The following YPEL1 variants were observed in gnomAD, a reference collection of about 807,000 sequenced individuals.
YPEL1 encodes protein yippee-like 1.
Under a neutral mutation model 17.3 loss-of-function variants are expected in YPEL1, and 7 were observed. The observed-to-expected ratio is 0.40, with a 90% CI of 0.23 to 0.76. YPEL1 has a LOEUF of 0.76. Ranked by LOEUF, YPEL1 falls within the 30% of genes least tolerant of loss-of-function variation. The pLI is 0.35. For synonymous variants in YPEL1, 59 were observed against 59.6 expected, an observed-to-expected ratio of 0.99 and a Z score of 0.05; for missense variants, 91 against 155.5, an observed-to-expected ratio of 0.59 and a Z score of 2.21.
chr22:21,729,147 G>GAA (rs754274655), intron 1 of YPEL1, among the ~76,000 whole-genome samples: 2 of 121,132 alleles, frequency 1.7e-5, no homozygotes, highest in Non-Finnish European at 1.8e-5. Context: ...CCATCCTGAA[G>GAA]AAAAAAAAAA....
chr22:21,716,548 C>T (rs1352068956), intron 1 of YPEL1, among the ~76,000 whole-genome samples: 1 of 152,298 alleles, frequency 6.6e-6, no homozygotes, highest in Non-Finnish European at 1.5e-5. Flanking sequence ...CCTCACAGGA[C>T]TTATGGCCCA....
At chr22:21,723,489 T>G (rs1010375232) in intron 1 of YPEL1, among the ~76,000 whole-genome samples, 2 of 152,128 alleles carry the variant, frequency 1.3e-5, no homozygotes, top group African/African-American at 4.8e-5. Context: ...TGCCTCAGCC[T>G]CCAGAGTAGC....
At chr22:21,724,957 G>A (rs1297913945) in intron 1 of YPEL1, among the ~76,000 whole-genome samples, 3 of 149,640 alleles carry the variant, frequency 2.0e-5, no homozygotes, top group South Asian at 2.1e-4. Context: ...GCCCAGGCTC[G>A]AGTGCAATGG....
rs761017537 is a variant in YPEL1, at chr22:21,700,814, C to T, written c.*315G>A. The T allele has an allele frequency of 6.0e-5, 13 of 217,272 alleles. No individual in the cohort carries two copies. Among genetic ancestry groups the T allele is most frequent in the Non-Finnish European group, 9.1e-5 (10 of 109,632 alleles). 13.5% of individuals were successfully genotyped at this position (217,272 alleles called of 1,614,324 possible). A position where few individuals can be genotyped will look rare whatever the true frequency, so the allele number is the denominator to read the frequency against. ...AACTGAACCTTAAAAAAGCAGAGCC[C>T]AACTATATTGAAGACAAAGGTGAAA... On this transcript the variant is annotated 3_prime_UTR_variant, in exon 5 of 5. Coordinates refer to ENST00000339468, the MANE Select transcript of YPEL1 (RefSeq NM_013313.5).
intron 1 of YPEL1, among the ~76,000 whole-genome samples, chr22:21,724,810 G>T (rs917009657): frequency 6.6e-6 from 1 of 151,860 alleles, no homozygotes; most frequent in South Asian, 2.1e-4. Flanking sequence ...CAAACTCCTG[G>T]CTCGGGCCAT....
At chr22:21,720,818 T>TG (rs886559950) in intron 1 of YPEL1, among the ~76,000 whole-genome samples, 2 of 149,856 alleles carry the variant, frequency 1.3e-5, no homozygotes, top group East Asian at 1.9e-4. Flanking sequence ...ATTTTGTTTT[T>TG]TTTTTTTTTT....
At chr22:21,732,732 A>C (rs1367812382) in intron 1 of YPEL1, among the ~76,000 whole-genome samples, 1 of 151,906 alleles carries the variant, frequency 6.6e-6, no homozygotes, top group African/African-American at 2.4e-5. Context: ...CACTGAGCCG[A>C]GATCACGCCA....
intron 2 of YPEL1, among the ~76,000 whole-genome samples, chr22:21,708,697 G>T (rs1409985203): frequency 2.6e-5 from 3 of 115,234 alleles, no homozygotes; most frequent in Admixed American, 1.0e-4. Flanking sequence ...ACAGAGTTTC[G>T]CTCTTGTTGC....
intron 2 of YPEL1, chr22:21,704,184 C>T (rs1012198433): frequency 2.8e-5 from 20 of 717,994 alleles, no homozygotes; most frequent in East Asian, 8.0e-5. Context: ...TATGTCTGGA[C>T]AACTTTACCT....
At position 21,715,984 on chromosome 22, in the gene YPEL1, A is replaced by G. The variant is rs535857263; in HGVS notation, c.-164-5076T>C. The stretch of plus-strand genomic sequence containing the variant: ...TCCATGTTGGTCAGGCTGGTCTCAA[A>G]CTCCCAACCTGAGTTGATCCACCTG... On this transcript the variant is annotated intron_variant, in intron 1 of 4. Transcript: ENST00000339468. 1.8e-4 allele frequency among the ~76,000 whole-genome samples: 27 copies of G among 151,940 alleles called. 2 individuals are homozygous for G. In the East Asian group the frequency reaches 5.2e-3, roughly 29 times the overall value.
intron 1 of YPEL1, among the ~76,000 whole-genome samples, chr22:21,715,635 G>A (rs776473249): frequency 7.9e-5 from 12 of 151,644 alleles, no homozygotes; most frequent in Non-Finnish European, 1.6e-4. Context: ...AGGCTGGAGT[G>A]CGATGGCACC....
chr22:21,714,443 CT>C (rs1472526185), intron 1 of YPEL1, among the ~76,000 whole-genome samples: 1 of 152,204 alleles, frequency 6.6e-6, no homozygotes, highest in African/African-American at 2.4e-5. Flanking sequence ...ACCGACGATG[CT>C]GTGAGACTTC....
intron 1 of YPEL1, among the ~76,000 whole-genome samples, chr22:21,712,945 G>C (rs1372160264): frequency 6.6e-6 from 1 of 151,878 alleles, no homozygotes; most frequent in East Asian, 1.9e-4. Context: ...ATTAAAAATG[G>C]ACAAAGGACT....
chr22:21,710,835 G>T lies in YPEL1; in HGVS notation c.-91C>A. On this transcript the variant is annotated 5_prime_UTR_variant, in exon 2 of 5. Coordinates refer to ENST00000339468, the MANE Select transcript of YPEL1 (RefSeq NM_013313.5). ...TCTGACAAAAGCAACACTGGAAAAT[G>T]CACGCAAGAGCCGTCGTTGTCCAGG... 1 of 1,133,982 alleles carries T rather than the reference G, an allele frequency of 8.8e-7. No homozygotes were observed. The highest frequency in any genetic ancestry group is 1.3e-6 in the Non-Finnish European group (1 of 745,120). 70.2% of individuals were successfully genotyped at this position (1,133,982 alleles called of 1,614,324 possible). A position where few individuals can be genotyped will look rare whatever the true frequency, so the allele number is the denominator to read the frequency against.
Position 21,710,847 on chromosome 22 carries a change from C to A in YPEL1, c.-103G>T. On this transcript the variant is annotated 5_prime_UTR_variant, in exon 2 of 5. Coordinates refer to ENST00000339468, the MANE Select transcript of YPEL1 (RefSeq NM_013313.5). ...AACACTGGAAAATGCACGCAAGAGC[C>A]GTCGTTGTCCAGGAGGGCGTGTGGC... is the stretch of plus-strand genomic sequence containing the variant. 2 of 1,042,984 alleles carry A rather than the reference C, an allele frequency of 1.9e-6. No individual in the cohort carries two copies. Among genetic ancestry groups the A allele is most frequent in the South Asian group, 2.6e-5 (2 of 77,932 alleles). 64.6% of individuals were successfully genotyped at this position (1,042,984 alleles called of 1,614,324 possible). A position where few individuals can be genotyped will look rare whatever the true frequency, so the allele number is the denominator to read the frequency against.
At chr22:21,709,078 G>A (rs1204335459) in intron 2 of YPEL1, among the ~76,000 whole-genome samples, 6 of 152,236 alleles carry the variant, frequency 3.9e-5, no homozygotes, top group Non-Finnish European at 7.4e-5. Context: ...GCATGCTTCC[G>A]AAACAAAACC....
In YPEL1 at chr22:21,715,756, CTTTTCTTTTTTTTTTTTTTTTTTT is replaced by C. The variant is rs1403292916; in HGVS notation, c.-164-4872_-164-4849del. On this transcript the variant is annotated intron_variant, in intron 1 of 4. Transcript: ENST00000339468. ...GCCACCACACCTAATTTTTCTTTTT[CTTTTCTTTTTTTTTTTTTTTTTTT>C]GAGACAGAGTTTCGCTCTTATTGCC... Among the ~76,000 whole-genome samples, 260 of 56,206 alleles carry C rather than the reference CTTTTCTTTTTTTTTTTTTTTTTTT, an allele frequency of 4.6e-3. 2 individuals carry two copies. The highest frequency in any genetic ancestry group is 6.6e-3 in the Non-Finnish European group (208 of 31,676). The allele number at this position is 56,206 out of a possible 152,430, so 36.9% of individuals were successfully genotyped here. A position where few individuals can be genotyped will look rare whatever the true frequency, so the allele number is the denominator to read the frequency against.
intron 1 of YPEL1, among the ~76,000 whole-genome samples, chr22:21,723,841 A>G (rs2068307127): frequency 6.6e-6 from 1 of 151,004 alleles, no homozygotes; most frequent in Non-Finnish European, 1.5e-5. Context: ...GATTTTTTGT[A>G]TTTTTAGTAG....
chr22:21,735,328 T>C (rs1389519199), intron 1 of YPEL1, among the ~76,000 whole-genome samples: 1 of 152,064 alleles, frequency 6.6e-6, no homozygotes, highest in Non-Finnish European at 1.5e-5. Flanking sequence ...ATTTTCCCTA[T>C]CTTTTCACGG....
Sources: gnomAD v4.1 joint callset for allele counts (sites outside exome capture counted in the v4.1 genomes callset) on GRCh38, gnomAD v4.1.1 for gene constraint, MANE v1.5 for transcripts, NCBI Gene and HGNC (gene_info 2026-07-23, HGNC 2026-07-21) for gene names.